Variants in ADAMTSL1 observed in about 807,000 individuals in gnomAD.
The protein encoded by ADAMTSL1 is ADAMTS-like protein 1.
A neutral mutation model predicts 201.8 loss-of-function variants in ADAMTSL1; 126 were observed. The observed-to-expected ratio is 0.62, with a 90% confidence interval of 0.54 to 0.72. ADAMTSL1 has a LOEUF of 0.72. Ranked by LOEUF, ADAMTSL1 falls within the 30% of genes least tolerant of loss-of-function variation. The probability of loss-of-function intolerance (pLI) is 0.00; values close to 1 mark genes in which losing one functional copy is unlikely to be tolerated. For synonymous variants in ADAMTSL1, 1,121 were observed against 903.4 expected (o/e 1.24, Z -4.32); for missense variants, 2,679 against 2,277.8 (o/e 1.18, Z -3.59).
rs1312038726 is a variant in ADAMTSL1, at chr9:18,713,517, A to G, written c.1876+6469A>G. 3.7e-4 allele frequency among the ~76,000 whole-genome samples: 57 copies of G among 152,160 alleles called. 1 individual carries two copies. The highest frequency in any genetic ancestry group is 1.2e-3 in the African/African-American group (48 of 41,512). On this transcript the variant is annotated intron_variant, in intron 14 of 28. Coordinates refer to ENST00000380548, the MANE Select transcript of ADAMTSL1 (RefSeq NM_001040272.6). The stretch of plus-strand genomic sequence containing the variant: ...GAGACAAAGAAGGCCATTACATAAT[A>G]GTAAAGGGATCAATTCAACAAGAAG...
At chr9:18,568,483 G>C (rs1461565106) in intron 3 of ADAMTSL1, among the ~76,000 whole-genome samples, 2 of 152,130 alleles carry the variant, frequency 1.3e-5, no homozygotes. Context: ...AATATTTTGA[G>C]GGTAAAACAA....
At chr9:17,918,808 A>G (rs2891114) in intron 1 of ADAMTSL1, among the ~76,000 whole-genome samples, 91,574 of 151,528 alleles carry the variant, frequency 0.6, 29,375 homozygotes, top group Non-Finnish European at 0.69. Context: ...AGACTTGTCT[A>G]TTTCTCTTGC....
chr9:18,644,364 A>AATTTTATTT (rs1221067572), intron 7 of ADAMTSL1, among the ~76,000 whole-genome samples: 1 of 148,548 alleles, frequency 6.7e-6, no homozygotes, highest in Non-Finnish European at 1.5e-5. Context: ...ATCTCCATGG[A>AATTTTATTT]ATTTTATTTT....
intron 14 of ADAMTSL1, among the ~76,000 whole-genome samples, chr9:18,712,457 A>T (rs1015738041): frequency 4.6e-5 from 7 of 151,902 alleles, no homozygotes; most frequent in Admixed American, 3.9e-4. Flanking sequence ...AGAATGCAGA[A>T]GCCTCAGGAG....
chr9:18,282,964 C>G (rs1315143153), intron 2 of ADAMTSL1, among the ~76,000 whole-genome samples: 1 of 152,166 alleles, frequency 6.6e-6, no homozygotes, highest in Non-Finnish European at 1.5e-5. Flanking sequence ...TCAGTTAGTT[C>G]TGGTGGTTTA....
chr9:18,319,639 C>A (rs1413920448), intron 2 of ADAMTSL1, among the ~76,000 whole-genome samples: 1 of 152,144 alleles, frequency 6.6e-6, no homozygotes. Context: ...AGGAGGGGGT[C>A]TGACCCTTAA....
At chr9:17,978,457 T>C (rs968476091) in intron 1 of ADAMTSL1, among the ~76,000 whole-genome samples, 8 of 152,086 alleles carry the variant, frequency 5.3e-5, no homozygotes, top group African/African-American at 1.4e-4. Flanking sequence ...TGGGGGAATT[T>C]GTTATGGGTT....
intron 1 of ADAMTSL1, among the ~76,000 whole-genome samples, chr9:18,149,153 G>A (rs1399469106): frequency 6.6e-6 from 1 of 151,974 alleles, no homozygotes; most frequent in Non-Finnish European, 1.5e-5. Context: ...CTAGAAACTG[G>A]GAGATGAACC....
chr9:18,338,581 G>T (rs1835344074), intron 2 of ADAMTSL1, among the ~76,000 whole-genome samples: 1 of 152,026 alleles, frequency 6.6e-6, no homozygotes, highest in African/African-American at 2.4e-5. Context: ...TGAGTAGCTG[G>T]AACTACAGGG....
intron 23 of ADAMTSL1, among the ~76,000 whole-genome samples, chr9:18,859,299 C>T (rs1827062976): frequency 6.6e-6 from 1 of 152,208 alleles, no homozygotes; most frequent in Non-Finnish European, 1.5e-5. Context: ...GGCTGTGGCC[C>T]TTCTCCCATC....
chr9:18,552,833 T>C (rs1239053622), intron 3 of ADAMTSL1, among the ~76,000 whole-genome samples: 1 of 151,694 alleles, frequency 6.6e-6, no homozygotes, highest in African/African-American at 2.4e-5. Flanking sequence ...GATATAAATA[T>C]TCACCTTTCA....
intron 2 of ADAMTSL1, 33 bp from the exon 3 acceptor site, chr9:18,533,214 T>A: frequency 6.3e-7 from 1 of 1,579,060 alleles, no homozygotes. Context: ...TTTTCATAAG[T>A]AGTAATATTT....
intron 1 of ADAMTSL1, among the ~76,000 whole-genome samples, chr9:18,120,321 G>A (rs975679578): frequency 6.6e-6 from 1 of 152,216 alleles, no homozygotes. Flanking sequence ...GATGGAAGCT[G>A]TAGTGTCTTT....
At chr9:18,906,668 A>C (rs757570282) in intron 27 of ADAMTSL1, 24 bp from the exon 28 acceptor site, 15 of 1,537,254 alleles carry the variant, frequency 9.8e-6, no homozygotes, top group Admixed American at 8.2e-5. Context: ...AGCAAACCTT[A>C]ACCCTGCCAC....
intron 1 of ADAMTSL1, among the ~76,000 whole-genome samples, chr9:17,927,618 AG>A (rs1394829431): frequency 1.9e-4 from 29 of 152,304 alleles, no homozygotes; most frequent in African/African-American, 6.5e-4. Context: ...GAATATGTAC[AG>A]ACTTTTTTCC....
At chr9:17,998,965 A>G (rs1469599175) in intron 1 of ADAMTSL1, among the ~76,000 whole-genome samples, 1 of 151,830 alleles carries the variant, frequency 6.6e-6, no homozygotes, top group African/African-American at 2.4e-5. Context: ...AGGGGTGATG[A>G]TACACTCTTT....
intron 1 of ADAMTSL1, among the ~76,000 whole-genome samples, chr9:18,492,741 C>A (rs1199473329): frequency 6.6e-6 from 1 of 152,130 alleles, no homozygotes; most frequent in Non-Finnish European, 1.5e-5. Flanking sequence ...GAATCATAGA[C>A]ATTTTTGTAG....
intron 26 of ADAMTSL1, among the ~76,000 whole-genome samples, chr9:18,898,431 CT>C (rs1160175645): frequency 6.6e-6 from 1 of 152,164 alleles, no homozygotes; most frequent in Non-Finnish European, 1.5e-5. Context: ...AACTTGATGA[CT>C]ATCTTTCTGA....
At chr9:18,193,141 A>G (rs192408066) in intron 2 of ADAMTSL1, among the ~76,000 whole-genome samples, 42 of 152,218 alleles carry the variant, frequency 2.8e-4, no homozygotes, top group Non-Finnish European at 4.1e-4. Flanking sequence ...TGGGTTTCCC[A>G]TTCCTCTCAG....
Sources: allele counts gnomAD v4.1 joint callset (sites outside exome capture counted in the v4.1 genomes callset), GRCh38; gene constraint gnomAD v4.1.1; transcripts MANE v1.5; gene names NCBI Gene and HGNC (gene_info 2026-07-23, HGNC 2026-07-21).